Variants in TAFA1 observed in about 807,000 individuals in gnomAD.
The protein encoded by TAFA1 is chemokine-like protein TAFA-1.
TAFA1 carries 4 observed loss-of-function variants against 18.5 expected under a neutral mutation model. The observed-to-expected ratio is 0.22, with a 90% CI of 0.11 to 0.49. TAFA1 has a LOEUF of 0.49. Among genes scored for constraint, TAFA1 ranks in the 20% least tolerant of loss-of-function variants. The pLI is 0.98. For missense variants in TAFA1, 147 were observed against 169.0 expected, an observed-to-expected ratio of 0.87 and a Z score of 0.72; for synonymous variants, 56 against 55.2, an observed-to-expected ratio of 1.01 and a Z score of -0.06.
At chr3:68,457,795 T>C (rs2071692373) in intron 3 of TAFA1, among the ~76,000 whole-genome samples, 1 of 152,164 alleles carries the variant, frequency 6.6e-6, no homozygotes, top group African/African-American at 2.4e-5. Flanking sequence ...GTCCCCTCCT[T>C]CTCCAAGCTC....
rs77172688 is a variant in TAFA1, at chr3:68,360,335, G to A, written c.119-56945G>A. On this transcript the variant is annotated intron_variant, in intron 2 of 4. Transcript: ENST00000478136. ...TTTAACTATTTAGTAGAATATAGGT[G>A]CTTATCCTCTCTAGGCTGTTTGCCT... Among the ~76,000 whole-genome samples, 485 of 152,050 alleles carry A rather than the reference G, an allele frequency of 3.2e-3. 4 individuals are homozygous for A. Among genetic ancestry groups the A allele is most frequent in the African/African-American group, 0.011 (454 of 41,522 alleles).
chr3:68,331,844 G>GTCTTT (rs1559620779), intron 2 of TAFA1, among the ~76,000 whole-genome samples: 6 of 128,044 alleles, frequency 4.7e-5, no homozygotes, highest in East Asian at 2.5e-4. Flanking sequence ...GTAAAGGATA[G>GTCTTT]TCTTTTCTTT....
chr3:68,528,834 G>A (rs1370030375), intron 3 of TAFA1, among the ~76,000 whole-genome samples: 1 of 152,090 alleles, frequency 6.6e-6, no homozygotes, highest in Non-Finnish European at 1.5e-5. Flanking sequence ...CTCTCACTTA[G>A]TGAAGAATTG....
chr3:68,010,380 GATT>G (rs1704448275), intron 2 of TAFA1, among the ~76,000 whole-genome samples: 24 of 152,318 alleles, frequency 1.6e-4, no homozygotes, highest in Admixed American at 1.4e-3. Flanking sequence ...CCCTCGTTCA[GATT>G]GCCTCACCTG....
intron 3 of TAFA1, among the ~76,000 whole-genome samples, chr3:68,417,941 C>T (rs1559661192): frequency 6.6e-6 from 1 of 152,090 alleles, no homozygotes; most frequent in Non-Finnish European, 1.5e-5. Flanking sequence ...CTTGTGAGAA[C>T]TCTCTCACTA....
chr3:68,269,734 C>A (rs973400716), intron 2 of TAFA1, among the ~76,000 whole-genome samples: 1 of 152,068 alleles, frequency 6.6e-6, no homozygotes, highest in African/African-American at 2.4e-5. Context: ...CCAGCCTGAG[C>A]AAAATGGCAA....
intron 3 of TAFA1, among the ~76,000 whole-genome samples, chr3:68,458,642 C>T (rs902269920): frequency 2.6e-5 from 4 of 152,152 alleles, no homozygotes; most frequent in African/African-American, 9.7e-5. Flanking sequence ...AGATTCTCAA[C>T]AGGAAATAAA....
intron 3 of TAFA1, among the ~76,000 whole-genome samples, chr3:68,527,021 A>T (rs1307929218): frequency 6.6e-6 from 1 of 152,210 alleles, no homozygotes; most frequent in African/African-American, 2.4e-5. Flanking sequence ...AGGTATATAC[A>T]GTAAGACATG....
At chr3:68,268,626 C>T (rs1047793584) in intron 2 of TAFA1, among the ~76,000 whole-genome samples, 1 of 152,112 alleles carries the variant, frequency 6.6e-6, no homozygotes, top group African/African-American at 2.4e-5. Flanking sequence ...ACCAGGCACC[C>T]TGACACAGGG....
intron 2 of TAFA1, among the ~76,000 whole-genome samples, chr3:68,049,335 A>C (rs2064437381): frequency 6.6e-6 from 1 of 152,124 alleles, no homozygotes; most frequent in Admixed American, 6.6e-5. Context: ...TGTCTATGTG[A>C]CAGGCAGAAT....
At chr3:68,060,976 T>G (rs2064595256) in intron 2 of TAFA1, among the ~76,000 whole-genome samples, 1 of 152,216 alleles carries the variant, frequency 6.6e-6, no homozygotes, top group African/African-American at 2.4e-5. Context: ...GGTTCAAGTG[T>G]GTACTGACCA....
chr3:68,068,813 G>A (rs781491505), intron 2 of TAFA1, among the ~76,000 whole-genome samples: 3 of 152,136 alleles, frequency 2.0e-5, no homozygotes, highest in Non-Finnish European at 4.4e-5. Context: ...AATAAGGATG[G>A]CCATAAAAAC....
intron 2 of TAFA1, among the ~76,000 whole-genome samples, chr3:68,123,935 A>G (rs2065433941): frequency 7.4e-6 from 1 of 135,562 alleles, no homozygotes; most frequent in African/African-American, 2.8e-5. Flanking sequence ...CTTTTGATTC[A>G]CTAGAAACTT....
rs536821905 is a variant in TAFA1, at chr3:68,183,825, T to A, written c.118+177081T>A. On this transcript the variant is annotated intron_variant, in intron 2 of 4. Transcript: ENST00000478136. ...ATTTTGCTCTGAGAATGGGAATTGA[T>A]GCATACAAAACAGTAGTAACTGTAG... Among the ~76,000 whole-genome samples, 23 of 152,270 alleles carry A rather than the reference T, an allele frequency of 1.5e-4. 1 individual carries two copies. The South Asian group carries it at 4.8e-3, about 32-fold the overall frequency.
intron 2 of TAFA1, among the ~76,000 whole-genome samples, chr3:68,055,198 G>A (rs544547129): frequency 6.6e-6 from 1 of 152,258 alleles, no homozygotes; most frequent in Non-Finnish European, 1.5e-5. Context: ...TGGGAAATCT[G>A]TAAAGCACAC....
intron 2 of TAFA1, among the ~76,000 whole-genome samples, chr3:68,404,188 A>G (rs1188992669): frequency 6.6e-6 from 1 of 152,194 alleles, no homozygotes; most frequent in Admixed American, 6.5e-5. Context: ...AATCCAGCTA[A>G]TAAAGGGTGG....
chr3:68,410,368 A>G (rs2070690477), intron 2 of TAFA1, among the ~76,000 whole-genome samples: 1 of 152,122 alleles, frequency 6.6e-6, no homozygotes, highest in Non-Finnish European at 1.5e-5. Flanking sequence ...ACTGGGAAGC[A>G]GAGTACATTT....
chr3:68,375,815 A>G (rs1289859695), intron 2 of TAFA1, among the ~76,000 whole-genome samples: 4 of 152,216 alleles, frequency 2.6e-5, no homozygotes, highest in African/African-American at 7.2e-5. Flanking sequence ...TTGTATGTGC[A>G]TATATAAATA....
At chr3:68,020,661 A>G (rs1349115418) in intron 2 of TAFA1, among the ~76,000 whole-genome samples, 1 of 152,186 alleles carries the variant, frequency 6.6e-6, no homozygotes, top group African/African-American at 2.4e-5. Context: ...GAAGTTTTAC[A>G]ACTTGGACTT....
Sources: allele counts gnomAD v4.1 joint callset (sites outside exome capture counted in the v4.1 genomes callset), GRCh38; gene constraint gnomAD v4.1.1; transcripts MANE v1.5; gene names NCBI Gene and HGNC (gene_info 2026-07-23, HGNC 2026-07-21).